SPAST: variants seen among roughly 807,000 people sequenced by gnomAD.
The protein encoded by SPAST is spastic paraplegia 4 (autosomal dominant; spastin).
A neutral mutation model predicts 76.6 loss-of-function variants in SPAST; 30 were observed. The ratio of observed to expected loss-of-function variants is 0.39; its 90% CI spans 0.29 to 0.53. The LOEUF (loss-of-function observed/expected upper bound fraction) is 0.53. SPAST is among the 20% of genes least tolerant of loss of function. The probability of loss-of-function intolerance (pLI) is 0.68; values close to 1 mark genes in which losing one functional copy is unlikely to be tolerated. For synonymous variants in SPAST, 305 were observed against 281.0 expected, an observed-to-expected ratio of 1.09 and a Z score of -0.86; for missense variants, 717 against 770.5, an observed-to-expected ratio of 0.93 and a Z score of 0.82.
At chr2:32,120,195 T>C (rs1237199160) in intron 7 of SPAST, among the ~76,000 whole-genome samples, 1 of 152,134 alleles carries the variant, frequency 6.6e-6, no homozygotes, top group Non-Finnish European at 1.5e-5. Flanking sequence ...CTTTCTTCTT[T>C]CAAAAATGTT....
At chr2:32,146,425 T>C (rs906848248) in intron 15 of SPAST, among the ~76,000 whole-genome samples, 1 of 152,012 alleles carries the variant, frequency 6.6e-6, no homozygotes, top group African/African-American at 2.4e-5. Flanking sequence ...ACCAGGCCCG[T>C]TGGCATGAGC....
At chr2:32,108,170 C>G (rs568663411) in intron 4 of SPAST, among the ~76,000 whole-genome samples, 2 of 152,062 alleles carry the variant, frequency 1.3e-5, no homozygotes, top group Non-Finnish European at 2.9e-5. Context: ...ATCAGTTAAA[C>G]AGGAAATCTA....
intron 15 of SPAST, 22 bp downstream of exon 15, chr2:32,145,029 A>G: frequency 6.4e-7 from 1 of 1,553,306 alleles, no homozygotes; most frequent in South Asian, 1.1e-5. Context: ...AGAGCTTAAA[A>G]CATTTAGAAC....
intron 12 of SPAST, among the ~76,000 whole-genome samples, chr2:32,137,872 C>T (rs1021357504): frequency 2.0e-5 from 3 of 152,098 alleles, no homozygotes; most frequent in African/African-American, 7.2e-5. Context: ...TCCATGTGTA[C>T]TCAATTTTTA....
chr2:32,075,949 G>A (rs1252574706), intron 1 of SPAST, among the ~76,000 whole-genome samples: 1 of 131,040 alleles, frequency 7.6e-6, no homozygotes, highest in Non-Finnish European at 1.5e-5. Flanking sequence ...CGCCCAGGCT[G>A]AAGTGCAGTG....
chr2:32,076,698 T>G (rs1354564101), intron 1 of SPAST, among the ~76,000 whole-genome samples: 2 of 151,954 alleles, frequency 1.3e-5, no homozygotes, highest in Non-Finnish European at 2.9e-5. Flanking sequence ...TTTTTTTTTT[T>G]CTTTGAGAAC....
intron 2 of SPAST, 56 bp from the exon 3 acceptor site, chr2:32,089,466 C>G: frequency 1.0e-6 from 1 of 980,146 alleles, no homozygotes; most frequent in Non-Finnish European, 1.6e-6. Context: ...GATAATTTAT[C>G]GTGAAACAAT....
Position 32,144,646 on chromosome 2 carries a change from G to T in SPAST, c.1617-291G>T, listed in dbSNP as rs370747116. ...CATGCCTGTAATCTCACTACTTTGG[G>T]AGGCTGTGGCGGGTGGATCACCTGA... On this transcript the variant is annotated intron_variant, in intron 14 of 16. Coordinates refer to ENST00000315285, the MANE Select transcript of SPAST (RefSeq NM_014946.4). 1.1e-4 allele frequency among the ~76,000 whole-genome samples: 16 copies of T among 152,272 alleles called. No homozygotes were observed. The East Asian group carries it at 2.7e-3, about 26-fold the overall frequency.
At chr2:32,149,808 T>C (rs997422056) in intron 16 of SPAST, among the ~76,000 whole-genome samples, 1 of 152,184 alleles carries the variant, frequency 6.6e-6, no homozygotes, top group Non-Finnish European at 1.5e-5. Flanking sequence ...TAAGGGACTT[T>C]AAGCGTTTGC....
intron 12 of SPAST, among the ~76,000 whole-genome samples, chr2:32,141,560 G>T (rs1042193437): frequency 6.6e-6 from 1 of 152,110 alleles, no homozygotes; most frequent in African/African-American, 2.4e-5. Flanking sequence ...TACCTAGTTT[G>T]TTGATGAAGT....
intron 1 of SPAST, among the ~76,000 whole-genome samples, chr2:32,067,886 G>A (rs971627495): frequency 3.3e-5 from 5 of 150,002 alleles, no homozygotes; most frequent in Non-Finnish European, 5.9e-5. Flanking sequence ...TTAAGTTTAC[G>A]CCATTCTCCT....
chr2:32,134,894 C>T (rs1679486642), intron 9 of SPAST, among the ~76,000 whole-genome samples: 1 of 151,160 alleles, frequency 6.6e-6, no homozygotes, highest in Non-Finnish European at 1.5e-5. Flanking sequence ...CAGGGTTTCA[C>T]CATGTTGGCC....
intron 9 of SPAST, among the ~76,000 whole-genome samples, chr2:32,130,969 A>G (rs944174750): frequency 2.6e-5 from 4 of 152,194 alleles, no homozygotes; most frequent in Non-Finnish European, 4.4e-5. Context: ...TGGGAAACTT[A>G]TTTGTAAGGT....
intron 8 of SPAST, chr2:32,128,094 A>C (rs115838355): frequency 0.012 from 4,118 of 339,834 alleles, 137 homozygotes; most frequent in African/African-American, 0.079. Context: ...TTCTGGGTTC[A>C]AGCAATTCTG....
chr2:32,085,205 C>T (rs201761106), intron 1 of SPAST, among the ~76,000 whole-genome samples: 9 of 119,748 alleles, frequency 7.5e-5, no homozygotes, highest in East Asian at 2.5e-4. Context: ...TCTTCTTCTT[C>T]TTTTTTTTTT....
chr2:32,068,786 C>T (rs1260914698), intron 1 of SPAST, among the ~76,000 whole-genome samples: 1 of 151,260 alleles, frequency 6.6e-6, no homozygotes, highest in Non-Finnish European at 1.5e-5. Context: ...CCCAGCTACT[C>T]GGGAGGGTGA....
At position 32,157,171 on chromosome 2, in the gene SPAST, T is replaced by C. The variant is rs1167309291; in HGVS notation, c.*2675T>C. 6.6e-6 allele frequency: 1 copy of C among 152,634 alleles called. No individual in the cohort carries two copies. The highest frequency in any genetic ancestry group is 1.9e-4 in the East Asian group (1 of 5,192). The allele number at this position is 152,634 out of a possible 1,614,324, so 9.5% of individuals were successfully genotyped here. A position where few individuals can be genotyped will look rare whatever the true frequency, so the allele number is the denominator to read the frequency against. ...TAAACATTAAGCATTAGTGTGCTCTTCATGTTAATATGGCAGAGTTTTGTA... is the reference window on the plus strand; with the variant it reads ...TAAACATTAAGCATTAGTGTGCTCTCCATGTTAATATGGCAGAGTTTTGTA... On this transcript the variant is annotated 3_prime_UTR_variant, in exon 17 of 17. Coordinates refer to ENST00000315285, the MANE Select transcript of SPAST (RefSeq NM_014946.4).
intron 13 of SPAST, among the ~76,000 whole-genome samples, chr2:32,142,977 T>C (rs535208809): frequency 1.1e-4 from 16 of 152,288 alleles, no homozygotes; most frequent in Middle Eastern, 3.4e-3. Flanking sequence ...ATTATTGCTA[T>C]GTTTTTATCC....
intron 7 of SPAST, among the ~76,000 whole-genome samples, chr2:32,120,762 C>T (rs1385032612): frequency 2.0e-5 from 3 of 151,924 alleles, no homozygotes; most frequent in Admixed American, 2.0e-4. Context: ...TCCATATTTT[C>T]CACTTTCATG....
Sources: gnomAD v4.1 joint callset for allele counts (sites outside exome capture counted in the v4.1 genomes callset) on GRCh38, gnomAD v4.1.1 for gene constraint, MANE v1.5 for transcripts, NCBI Gene and HGNC (gene_info 2026-07-23, HGNC 2026-07-21) for gene names.